The following UNC13C variants were observed in gnomAD, a reference collection of about 807,000 sequenced individuals.
UNC13C encodes unc-13 homolog C, also known as protein unc-13 homolog C.
UNC13C carries 174 observed loss-of-function variants against 245.4 expected under a neutral mutation model. The ratio of observed to expected loss-of-function variants is 0.71; its 90% CI spans 0.63 to 0.80. The LOEUF is 0.80. Ranked by LOEUF, UNC13C falls within the 30% of genes least tolerant of loss-of-function variation. The pLI is 0.00. For missense variants in UNC13C, 2,829 were observed against 2,602.9 expected (o/e 1.09, Z -1.89); for synonymous variants, 992 against 895.1 (o/e 1.11, Z -1.93).
intron 24 of UNC13C, among the ~76,000 whole-genome samples, chr15:54,520,682 G>A (rs536332098): frequency 1.3e-5 from 2 of 152,272 alleles, no homozygotes; most frequent in African/African-American, 4.8e-5. Flanking sequence ...GAGAAGCAGG[G>A]AAGGACCTTG....
At position 54,160,144 on chromosome 15, in the gene UNC13C, G is replaced by A. The variant is rs116043764; in HGVS notation, c.3071+16460G>A. ...AAAGGACATAGAAGCTACTCTGTCA[G>A]AATAAATAATGATGCTAGCTTTAAG... On this transcript the variant is annotated intron_variant, in intron 4 of 32. Transcript: ENST00000260323. Among the ~76,000 whole-genome samples the A allele has an allele frequency of 4.6e-3, 699 of 152,092 alleles. 1 individual carries two copies. The highest frequency in any genetic ancestry group is 0.016 in the African/African-American group (669 of 41,468).
At chr15:53,954,860 A>G in the UNC13C span, among the ~76,000 whole-genome samples, 22 of 152,342 alleles carry the variant, frequency 1.4e-4, no homozygotes, top group East Asian at 9.6e-4. Context: ...TAAATAGACT[A>G]TATGCTTCTA....
At chr15:54,553,721 C>G (rs1896972219) in intron 28 of UNC13C, among the ~76,000 whole-genome samples, 1 of 151,228 alleles carries the variant, frequency 6.6e-6, no homozygotes, top group Non-Finnish European at 1.5e-5. Context: ...CTTGAATGAT[C>G]TGTTGCTAAA....
At chr15:54,111,718 G>A (rs887600863) in intron 2 of UNC13C, among the ~76,000 whole-genome samples, 12 of 152,136 alleles carry the variant, frequency 7.9e-5, no homozygotes, top group African/African-American at 2.9e-4. Context: ...TCAAAGGATT[G>A]CATGATTTGG....
chr15:54,112,668 A>G (rs1025806687), intron 2 of UNC13C, among the ~76,000 whole-genome samples: 13 of 152,322 alleles, frequency 8.5e-5, no homozygotes, highest in African/African-American at 3.1e-4. Context: ...TCAATTTTAC[A>G]GGCTGCTTTT....
the UNC13C span, among the ~76,000 whole-genome samples, chr15:53,897,684 T>A: frequency 6.6e-6 from 1 of 152,252 alleles, no homozygotes; most frequent in African/African-American, 2.4e-5. Flanking sequence ...AATGCCATTT[T>A]GGCCACTTTT....
intron 1 of UNC13C, among the ~76,000 whole-genome samples, chr15:54,006,076 GA>G (rs557718358): frequency 2.3e-3 from 345 of 152,240 alleles, no homozygotes; most frequent in Admixed American, 6.0e-3. Context: ...CAGCATCTCT[GA>G]GGCTCAACAT....
At chr15:54,177,718 C>T (rs569602757) in intron 4 of UNC13C, among the ~76,000 whole-genome samples, 1 of 152,146 alleles carries the variant, frequency 6.6e-6, no homozygotes, top group East Asian at 1.9e-4. Context: ...AATCAGTGTA[C>T]TCAGTCTCCT....
chr15:54,297,523 A>T (rs1385729069), intron 11 of UNC13C, among the ~76,000 whole-genome samples: 1 of 111,220 alleles, frequency 9.0e-6, no homozygotes, highest in African/African-American at 3.9e-5. Context: ...TGCCTAATTA[A>T]AAAAAAAAAA....
intron 29 of UNC13C, among the ~76,000 whole-genome samples, chr15:54,564,771 G>A (rs1486888957): frequency 6.6e-6 from 1 of 151,948 alleles, no homozygotes; most frequent in Non-Finnish European, 1.5e-5. Context: ...ATGCCTCAGA[G>A]CCTCTACCAT....
chr15:54,453,247 C>T (rs1891284539), intron 19 of UNC13C, among the ~76,000 whole-genome samples: 1 of 152,170 alleles, frequency 6.6e-6, no homozygotes, highest in Non-Finnish European at 1.5e-5. Flanking sequence ...CACTCACTTA[C>T]CCTTTTCCTG....
chr15:54,157,099 G>A (rs2032781997), intron 4 of UNC13C, among the ~76,000 whole-genome samples: 2 of 152,158 alleles, frequency 1.3e-5, no homozygotes, highest in Non-Finnish European at 2.9e-5. Context: ...TTGAGTACAA[G>A]CCAGCCATAG....
At chr15:54,307,834 C>T (rs1347616715) in intron 13 of UNC13C, among the ~76,000 whole-genome samples, 1 of 151,796 alleles carries the variant, frequency 6.6e-6, no homozygotes, top group Non-Finnish European at 1.5e-5. Context: ...TGTTTTTGGT[C>T]AAAACAGAAG....
intron 2 of UNC13C, among the ~76,000 whole-genome samples, chr15:54,058,312 C>T (rs888274588): frequency 6.6e-6 from 1 of 152,082 alleles, no homozygotes; most frequent in African/African-American, 2.4e-5. Flanking sequence ...TACAAACTAC[C>T]GTCAGAGAAT....
intron 4 of UNC13C, among the ~76,000 whole-genome samples, chr15:54,147,854 CA>C (rs1462086445): frequency 6.6e-6 from 1 of 151,284 alleles, no homozygotes; most frequent in East Asian, 1.9e-4. Flanking sequence ...GCATGCACCA[CA>C]ATTTGGGCAA....
chr15:54,579,574 A>G (rs1485043755), intron 30 of UNC13C, among the ~76,000 whole-genome samples: 1 of 151,966 alleles, frequency 6.6e-6, no homozygotes. Flanking sequence ...CAGCTAACAC[A>G]GTGAAACCTC....
Position 54,286,664 on chromosome 15 carries a change from C to T in UNC13C, c.3819-7231C>T, listed in dbSNP as rs898916333. ...AGACCATATCTAGGAGACTCTATAT[C>T]TGAAAATATTTGCAAAGGTGGAATA... On this transcript the variant is annotated intron_variant, in intron 10 of 32. Coordinates refer to ENST00000260323, the MANE Select transcript of UNC13C (RefSeq NM_001080534.3). 9.2e-5 allele frequency among the ~76,000 whole-genome samples: 14 copies of T among 152,064 alleles called. 1 individual carries two copies. Among genetic ancestry groups the T allele is most frequent in the African/African-American group, 3.4e-4 (14 of 41,406 alleles).
intron 4 of UNC13C, among the ~76,000 whole-genome samples, chr15:54,232,184 A>G (rs1181219256): frequency 6.6e-6 from 1 of 152,122 alleles, no homozygotes; most frequent in South Asian, 2.1e-4. Context: ...ATATAAAAGT[A>G]TAAGGAAACA....
chr15:53,996,076 T>C (rs1894619324), intron 1 of UNC13C, among the ~76,000 whole-genome samples: 1 of 152,164 alleles, frequency 6.6e-6, no homozygotes, highest in South Asian at 2.1e-4. Flanking sequence ...AGACTGAAGA[T>C]GTGAGCAAAA....
Sources: allele counts gnomAD v4.1 joint callset (sites outside exome capture counted in the v4.1 genomes callset), GRCh38; gene constraint gnomAD v4.1.1; transcripts MANE v1.5; gene names NCBI Gene and HGNC (gene_info 2026-07-23, HGNC 2026-07-21).